Variants in C2orf42 observed in about 807,000 individuals in gnomAD.
The protein encoded by C2orf42 is chromosome 2 open reading frame 42, also known as uncharacterized protein C2orf42.
In C2orf42, 44 loss-of-function variants were observed where a neutral mutation model predicts 58.9. The ratio of observed to expected loss-of-function variants is 0.75; its 90% CI spans 0.59 to 0.96. C2orf42 has a LOEUF of 0.96. Among genes scored for constraint, C2orf42 ranks in the 40% least tolerant of loss-of-function variants. The pLI, the probability that C2orf42 is intolerant of heterozygous loss-of-function variation, is 0.00. For missense variants in C2orf42, 630 were observed against 699.2 expected (o/e 0.90, Z 1.12); for synonymous variants, 239 against 265.4 (o/e 0.90, Z 0.97).
chr2:70,184,309 C>T (rs149124987), intron 1 of C2orf42, among the ~76,000 whole-genome samples: 3,415 of 151,982 alleles, frequency 0.022, 142 homozygotes, highest in African/African-American at 0.078. Context: ...TCACTGCAAC[C>T]TCCGCCTCCC....
At chr2:70,189,988 C>A (rs1287156644) in intron 1 of C2orf42, among the ~76,000 whole-genome samples, 4 of 151,490 alleles carry the variant, frequency 2.6e-5, no homozygotes, top group African/African-American at 9.7e-5. Flanking sequence ...TATCTAGACA[C>A]ACACACATAC....
rs765290214 is a variant in C2orf42, at chr2:70,181,325, G to A, written c.661C>T (p.Arg221Cys). The A allele has an allele frequency of 1.9e-5, 31 of 1,613,900 alleles. No homozygotes were observed. Among genetic ancestry groups the A allele is most frequent in the African/African-American group, 2.7e-5 (2 of 74,904 alleles). The change falls in exon 3 of 10, where the codon CGC (arginine) becomes TGC (cysteine). Residue 221 changes from arginine to cysteine, a missense_variant. By Grantham distance (180) the Arg-to-Cys change is radical. Transcript: ENST00000264434. Reference protein sequence around the residue: ...KVSGKSLPERRFFCSCQTLKS... With the variant: ...KVSGKSLPERCFFCSCQTLKS... Reference sequence around the variant, plus strand: ...AGAGTCTGACAGGAGCAGAAGAAGCGGCGCTCAGGCAAGCTTTTGCCACTG... The same window carrying A: ...AGAGTCTGACAGGAGCAGAAGAAGCAGCGCTCAGGCAAGCTTTTGCCACTG...
chr2:70,174,170 T>G, intron 5 of C2orf42, among the ~76,000 whole-genome samples: 1 of 152,030 alleles, frequency 6.6e-6, no homozygotes, highest in Non-Finnish European at 1.5e-5. Context: ...TAGCCGGGCA[T>G]GGTGGCGTGC....
intron 8 of C2orf42, among the ~76,000 whole-genome samples, chr2:70,162,526 C>A (rs1673121182): frequency 6.6e-6 from 1 of 151,690 alleles, no homozygotes; most frequent in African/African-American, 2.4e-5. Context: ...CGCTTGTAAT[C>A]CCAGCTACTC....
chr2:70,183,964 C>A (rs1312847653), intron 1 of C2orf42, among the ~76,000 whole-genome samples: 2 of 152,016 alleles, frequency 1.3e-5, no homozygotes, highest in African/African-American at 4.8e-5. Context: ...TGCTGCCATG[C>A]CTGGCTAATT....
rs546003211 is a variant in C2orf42, at chr2:70,164,330, C to A, written c.1353+762G>T. Among the ~76,000 whole-genome samples the A allele has an allele frequency of 2.6e-5, 4 of 151,648 alleles. No individual in the cohort carries two copies. In the South Asian group the frequency reaches 8.4e-4, roughly 32 times the overall value. On this transcript the variant is annotated intron_variant, in intron 8 of 9. Coordinates refer to ENST00000264434, the MANE Select transcript of C2orf42 (RefSeq NM_017880.3). ...AAAACCAAAATTCAAAAAAAAAAGA[C>A]CAAAAAAAAATTTTTTTTAAAGGGT...
At chr2:70,160,591 C>T (rs947198678) in intron 9 of C2orf42, 34 bp downstream of exon 9, 1 of 1,538,780 alleles carries the variant, frequency 6.5e-7, no homozygotes, top group Non-Finnish European at 8.9e-7. Flanking sequence ...CCAGCTGACA[C>T]TCAAAGGAAG....
chr2:70,167,733 T>G lies in C2orf42; in HGVS notation c.1144+1824A>C, dbSNP rs542661951. On this transcript the variant is annotated intron_variant, in intron 6 of 9. Transcript: ENST00000264434. ...TCCAGCCTGTGTGACAGAGCAAGAC[T>G]GTCTCAAAAAATAAAAAAGAATTAA... Among the ~76,000 whole-genome samples the G allele has an allele frequency of 2.6e-5, 4 of 151,588 alleles. No homozygotes were observed. The East Asian group carries it at 5.9e-4, about 22-fold the overall frequency.
At chr2:70,171,197 G>GC (rs751376940) in intron 5 of C2orf42, among the ~76,000 whole-genome samples, 6 of 151,902 alleles carry the variant, frequency 3.9e-5, no homozygotes, top group Non-Finnish European at 8.8e-5. Flanking sequence ...GATTGTTTGA[G>GC]CCCAGGAGGC....
intron 5 of C2orf42, among the ~76,000 whole-genome samples, chr2:70,175,162 A>T (rs1371775744): frequency 6.6e-6 from 1 of 152,174 alleles, no homozygotes; most frequent in Non-Finnish European, 1.5e-5. Flanking sequence ...GGGTTTTGCC[A>T]CGTTGGCCAG....
intron 8 of C2orf42, among the ~76,000 whole-genome samples, chr2:70,161,360 G>A (rs1426981050): frequency 6.6e-6 from 1 of 152,182 alleles, no homozygotes; most frequent in Non-Finnish European, 1.5e-5. Flanking sequence ...CTGACAGTGA[G>A]AAGCTCCATG....
chr2:70,179,928 G>GA (rs1674441105), intron 3 of C2orf42, among the ~76,000 whole-genome samples: 1 of 152,094 alleles, frequency 6.6e-6, no homozygotes, highest in Non-Finnish European at 1.5e-5. Flanking sequence ...GACAGAGGCA[G>GA]ACGCTGTCTC....
chr2:70,189,812 G>A (rs912426224), intron 1 of C2orf42, among the ~76,000 whole-genome samples: 51 of 151,550 alleles, frequency 3.4e-4, no homozygotes, highest in African/African-American at 1.2e-3. Context: ...GGATCACTGA[G>A]CTCAGGAGTT....
Position 70,150,299 on chromosome 2 carries a change from T to C in C2orf42, c.*57A>G. 6.8e-7 allele frequency: 1 copy of C among 1,464,898 alleles called. No individual in the cohort carries two copies. The highest frequency in any genetic ancestry group is 1.7e-5 in the Admixed American group (1 of 59,552). The allele number at this position is 1,464,898 out of a possible 1,614,324, so 90.7% of individuals were successfully genotyped here. A position where few individuals can be genotyped will look rare whatever the true frequency, so the allele number is the denominator to read the frequency against. On this transcript the variant is annotated 3_prime_UTR_variant, in exon 10 of 10. Transcript: ENST00000264434. ...TAAGTGCCTAACTAGCATTTAAAGTTGTCAAGGGGTGGGGATGTGCAAATT... is the reference window on the plus strand; with the variant it reads ...TAAGTGCCTAACTAGCATTTAAAGTCGTCAAGGGGTGGGGATGTGCAAATT...
At chr2:70,159,252 T>G (rs1572976030) in intron 9 of C2orf42, among the ~76,000 whole-genome samples, 1 of 151,950 alleles carries the variant, frequency 6.6e-6, no homozygotes, top group South Asian at 2.1e-4. Context: ...TAGGAAAATT[T>G]TAAAAGAGAA....
At chr2:70,168,966 C>T (rs901530357) in intron 6 of C2orf42, among the ~76,000 whole-genome samples, 5 of 152,162 alleles carry the variant, frequency 3.3e-5, no homozygotes, top group Admixed American at 6.6e-5. Context: ...CCGCCCACCT[C>T]GGCCTCCCAA....
Position 70,184,617 on chromosome 2 carries a change from A to T in C2orf42, c.-281-1682T>A, listed in dbSNP as rs187721361. ...TGCCTCAGACTCTCAAATAGCTGAGACCACAGGTACGTGCCACTACACTCA... is the reference window on the plus strand; with the variant it reads ...TGCCTCAGACTCTCAAATAGCTGAGTCCACAGGTACGTGCCACTACACTCA... On this transcript the variant is annotated intron_variant, in intron 1 of 9. Transcript: ENST00000264434. 2.2e-3 allele frequency among the ~76,000 whole-genome samples: 330 copies of T among 150,760 alleles called. 1 individual carries two copies. The highest frequency in any genetic ancestry group is 7.4e-3 in the Admixed American group (111 of 15,024).
intron 9 of C2orf42, among the ~76,000 whole-genome samples, chr2:70,154,493 G>C (rs544010476): frequency 6.8e-6 from 1 of 147,760 alleles, no homozygotes; most frequent in South Asian, 2.1e-4. Flanking sequence ...AACCCAAAGA[G>C]TGTGGTACTA....
At chr2:70,189,715 C>CA (rs35750741) in intron 1 of C2orf42, among the ~76,000 whole-genome samples, 7,757 of 72,006 alleles carry the variant, frequency 0.11, 590 homozygotes, top group African/African-American at 0.22. Flanking sequence ...GACTCCGTCT[C>CA]AAAAAAAAAA....
Sources: gnomAD v4.1 joint callset for allele counts (sites outside exome capture counted in the v4.1 genomes callset) on GRCh38, gnomAD v4.1.1 for gene constraint, MANE v1.5 for transcripts, NCBI Gene and HGNC (gene_info 2026-07-23, HGNC 2026-07-21) for gene names.